The following MEGF10 variants were observed in gnomAD, a reference collection of about 807,000 sequenced individuals.
The protein encoded by MEGF10 is multiple epidermal growth factor-like domains protein 10.
MEGF10 carries 86 observed loss-of-function variants against 147.5 expected under a neutral mutation model. The observed-to-expected ratio is 0.58, with a 90% CI of 0.49 to 0.70. The LOEUF (loss-of-function observed/expected upper bound fraction) is 0.70. MEGF10 is among the 30% of genes least tolerant of loss of function. MEGF10 has a pLI of 0.00. For missense variants in MEGF10, 1,329 were observed against 1,487.3 expected (o/e 0.89, Z 1.75); for synonymous variants, 478 against 525.5 (o/e 0.91, Z 1.24).
the MEGF10 span, among the ~76,000 whole-genome samples, chr5:127,282,769 C>T: frequency 6.6e-6 from 1 of 152,210 alleles, no homozygotes; most frequent in Admixed American, 6.5e-5. Context: ...AGGCACCTGT[C>T]TCACTATGGA....
At chr5:127,380,077 T>C (rs1191310889) in intron 5 of MEGF10, among the ~76,000 whole-genome samples, 2 of 151,910 alleles carry the variant, frequency 1.3e-5, no homozygotes, top group East Asian at 3.9e-4. Context: ...GTTTTTTTTT[T>C]TTCTTGTCTG....
intron 1 of MEGF10, among the ~76,000 whole-genome samples, chr5:127,320,264 C>G (rs1760739366): frequency 6.6e-6 from 1 of 152,124 alleles, no homozygotes; most frequent in Non-Finnish European, 1.5e-5. Flanking sequence ...CCACCTGCCC[C>G]CATGGCATCA....
intron 1 of MEGF10, among the ~76,000 whole-genome samples, chr5:127,302,595 A>T (rs759259868): frequency 6.6e-6 from 1 of 152,234 alleles, no homozygotes; most frequent in Non-Finnish European, 1.5e-5. Context: ...ATGTTTGGTT[A>T]TGCAAATTTT....
intron 5 of MEGF10, among the ~76,000 whole-genome samples, chr5:127,391,145 CACACACACATACAT>C (rs766844744): frequency 0.084 from 6,505 of 77,752 alleles, 305 homozygotes; most frequent in Middle Eastern, 0.18. Flanking sequence ...CACACACACA[CACACACACATACAT>C]GCTTATTTCT....
chr5:127,442,114 C>G (rs1247847769), intron 18 of MEGF10, among the ~76,000 whole-genome samples: 2 of 152,168 alleles, frequency 1.3e-5, no homozygotes, highest in African/African-American at 2.4e-5. Flanking sequence ...CAAAATTTTA[C>G]TTGAATGCCA....
the MEGF10 span, among the ~76,000 whole-genome samples, chr5:127,276,961 C>G: frequency 1.6e-3 from 243 of 152,184 alleles, 1 homozygote; most frequent in African/African-American, 5.7e-3. Context: ...GATCAGGGAG[C>G]AAGCCACACA....
At chr5:127,365,835 G>T (rs1206417259) in intron 4 of MEGF10, among the ~76,000 whole-genome samples, 1 of 152,002 alleles carries the variant, frequency 6.6e-6, no homozygotes, top group Non-Finnish European at 1.5e-5. Flanking sequence ...AGTTTTAATT[G>T]CCCTTTTAAA....
intron 1 of MEGF10, among the ~76,000 whole-genome samples, chr5:127,309,303 T>C (rs1278605996): frequency 2.6e-5 from 4 of 152,224 alleles, no homozygotes; most frequent in Non-Finnish European, 5.9e-5. Flanking sequence ...TAACATACCA[T>C]ACAATTCAGC....
chr5:127,321,690 G>T (rs1760791741), intron 1 of MEGF10, among the ~76,000 whole-genome samples: 1 of 152,146 alleles, frequency 6.6e-6, no homozygotes, highest in South Asian at 2.1e-4. Context: ...GAGAGCAGAT[G>T]ACATGTAGGT....
At chr5:127,435,800 T>A (rs536445209) in intron 16 of MEGF10, among the ~76,000 whole-genome samples, 68 of 152,188 alleles carry the variant, frequency 4.5e-4, no homozygotes, top group Non-Finnish European at 8.4e-4. Flanking sequence ...GAGAAATCTA[T>A]CTCTTCATTT....
chr5:127,293,273 A>G (rs1421580692), intron 1 of MEGF10, among the ~76,000 whole-genome samples: 1 of 152,240 alleles, frequency 6.6e-6, no homozygotes, highest in Non-Finnish European at 1.5e-5. Context: ...TTGCATATTC[A>G]TCAAAGTGAG....
At chr5:127,450,754 G>GTTTTGT (rs1043027735) in intron 22 of MEGF10, among the ~76,000 whole-genome samples, 7 of 151,822 alleles carry the variant, frequency 4.6e-5, no homozygotes, top group East Asian at 3.9e-4. Flanking sequence ...GTTTTGTTTT[G>GTTTTGT]TTTTGTTTTT....
rs377322214 is a variant in MEGF10 at position 127,366,218 on chromosome 5, G to A, written c.320-3692G>A. On this transcript the variant is annotated intron_variant, in intron 4 of 24. Coordinates refer to ENST00000503335, the MANE Select transcript of MEGF10 (RefSeq NM_001256545.2). ...AGTCAGTGTTTCTGCACCTTGGTGA[G>A]TTGGGACATCAGAGAATAAAGAGAG... 4.6e-5 allele frequency among the ~76,000 whole-genome samples: 7 copies of A among 152,266 alleles called. No homozygotes were observed. The East Asian group carries it at 9.6e-4, about 21-fold the overall frequency.
intron 4 of MEGF10, among the ~76,000 whole-genome samples, chr5:127,361,140 C>A (rs1762457224): frequency 1.3e-5 from 2 of 151,782 alleles, no homozygotes; most frequent in Non-Finnish European, 2.9e-5. Flanking sequence ...TCTTTTAATT[C>A]TTGGTATAAT....
At chr5:127,340,979 C>T (rs1761658235) in intron 4 of MEGF10, among the ~76,000 whole-genome samples, 1 of 152,160 alleles carries the variant, frequency 6.6e-6, no homozygotes. Context: ...AGAGACCTAA[C>T]TTTCCTGCAG....
At chr5:127,327,512 A>G (rs1761084128) in intron 1 of MEGF10, among the ~76,000 whole-genome samples, 1 of 152,162 alleles carries the variant, frequency 6.6e-6, no homozygotes, top group Non-Finnish European at 1.5e-5. Flanking sequence ...TCCAAAGTGG[A>G]AAATTATAAG....
intron 5 of MEGF10, among the ~76,000 whole-genome samples, chr5:127,370,805 T>C (rs1762817562): frequency 6.6e-6 from 1 of 152,210 alleles, no homozygotes. Flanking sequence ...CCTTTATACT[T>C]CTTTTTTCGC....
chr5:127,302,263 T>C (rs574495929), intron 1 of MEGF10, among the ~76,000 whole-genome samples: 2 of 152,296 alleles, frequency 1.3e-5, no homozygotes, highest in African/African-American at 4.8e-5. Flanking sequence ...TGTGATATAT[T>C]TACAGAATGG....
chr5:127,266,752 G>A, the MEGF10 span, among the ~76,000 whole-genome samples: 1 of 152,170 alleles, frequency 6.6e-6, no homozygotes, highest in Non-Finnish European at 1.5e-5. Flanking sequence ...GAATGCTTGT[G>A]ATTTTTGCAT....
Sources: allele counts gnomAD v4.1 joint callset (sites outside exome capture counted in the v4.1 genomes callset), GRCh38; gene constraint gnomAD v4.1.1; transcripts MANE v1.5; gene names NCBI Gene and HGNC (gene_info 2026-07-23, HGNC 2026-07-21).